SLC25A25: variants seen among roughly 807,000 people sequenced by gnomAD.
The protein encoded by SLC25A25 is solute carrier family 25 member 25, also known as mitochondrial adenyl nucleotide antiporter SLC25A25.
Under a neutral mutation model 57.7 loss-of-function variants are expected in SLC25A25, and 32 were observed. The observed-to-expected ratio is 0.55, with a 90% CI of 0.42 to 0.74. The LOEUF (loss-of-function observed/expected upper bound fraction) is 0.74. Ranked by LOEUF, SLC25A25 falls within the 30% of genes least tolerant of loss-of-function variation. SLC25A25 has a pLI of 0.00. For missense variants in SLC25A25, 556 were observed against 701.3 expected (o/e 0.79, Z 2.34); for synonymous variants, 306 against 291.2 (o/e 1.05, Z -0.52).
At chr9:128,100,698 G>C (rs972449315) in intron 1 of SLC25A25, among the ~76,000 whole-genome samples, 1 of 152,238 alleles carries the variant, frequency 6.6e-6, no homozygotes, top group Non-Finnish European at 1.5e-5. Context: ...TGTGGTTGAA[G>C]CCTGGGTCCA....
intron 7 of SLC25A25, 26 bp from the exon 8 acceptor site, chr9:128,106,124 G>A (rs778707505): frequency 1.2e-6 from 2 of 1,613,820 alleles, no homozygotes; most frequent in African/African-American, 2.7e-5. Context: ...GGGTATATCA[G>A]GTGGTTTGTT....
chr9:128,082,818 A>G (rs181919120), intron 1 of SLC25A25, among the ~76,000 whole-genome samples: 7 of 152,082 alleles, frequency 4.6e-5, no homozygotes, highest in Admixed American at 6.5e-5. Flanking sequence ...TTTTTAGTAG[A>G]GATGGGGTTT....
At position 128,106,251 on chromosome 9, in the gene SLC25A25, A is replaced by C. The variant is rs1223480693; in HGVS notation, c.1038A>C (p.Pro346=). Residue 346 remains proline, a synonymous_variant, in exon 8 of 11, where the codon CCA becomes CCC. Coordinates refer to ENST00000373069, the MANE Select transcript of SLC25A25 (RefSeq NM_001330988.2). ...CCATCGCCCAGAGCAGCATCTACCC[A>C]ATGGAGGTGAGGGGCCGCCTGGGTC... ...AGAIAQSSIY[P]MEVLKTRMAL... 1 of 1,614,034 alleles carries C rather than the reference A, an allele frequency of 6.2e-7. No individual in the cohort carries two copies. The highest frequency in any genetic ancestry group is 8.5e-7 in the Non-Finnish European group (1 of 1,179,992).
chr9:128,080,575 G>A (rs988531836), intron 1 of SLC25A25, among the ~76,000 whole-genome samples: 8 of 150,142 alleles, frequency 5.3e-5, no homozygotes, highest in Non-Finnish European at 7.4e-5. Context: ...ATGCGCCACC[G>A]TGCCCGGCTA....
Position 128,099,419 on chromosome 9 carries a change from A to G in SLC25A25, c.262-1677A>G. On this transcript the variant is annotated intron_variant, in intron 1 of 10. Transcript: ENST00000373069. This position sits in a 1 kb window ranked among gnomAD's most constrained non-coding sequence, Gnocchi z 6.8. ...ACCCTCTGCTCTGGGTGTCTGCGAC[A>G]GCACCCACCCCAGGGAGGCATGTGG... The G allele has an allele frequency of 7.0e-6, 8 of 1,150,100 alleles. No homozygotes were observed. Among genetic ancestry groups the G allele is most frequent in the Non-Finnish European group, 8.7e-6 (8 of 920,608 alleles). The allele number at this position is 1,150,100 out of a possible 1,614,324, so 71.2% of individuals were successfully genotyped here. A position where few individuals can be genotyped will look rare whatever the true frequency, so the allele number is the denominator to read the frequency against.
At position 128,102,132 on chromosome 9, in the gene SLC25A25, C is replaced by T. The variant is rs1425329146; in HGVS notation, c.512+17C>T. ...TGTCACCTAGTAAGTATCCATGTCGCTCATGACTGCCTCCCTTGACTTCCA... is the reference window on the plus strand; with the variant it reads ...TGTCACCTAGTAAGTATCCATGTCGTTCATGACTGCCTCCCTTGACTTCCA... On this transcript the variant is annotated intron_variant, in intron 4 of 10. Coordinates refer to ENST00000373069, the MANE Select transcript of SLC25A25 (RefSeq NM_001330988.2). The surrounding 1 kb of genome is among the most constrained non-coding windows in gnomAD (Gnocchi z 4.1). The T allele has an allele frequency of 3.2e-6, 5 of 1,550,470 alleles. No homozygotes were observed. The highest frequency in any genetic ancestry group is 1.2e-5 in the South Asian group (1 of 84,066).
intron 1 of SLC25A25, chr9:128,091,569 A>AAAAT: frequency 3.8e-6 from 4 of 1,039,406 alleles, no homozygotes; most frequent in Non-Finnish European, 2.3e-6. Flanking sequence ...TTTAAAAAAA[A>AAAAT]GCCAAACGTT....
At position 128,108,431 on chromosome 9, in the gene SLC25A25, C is replaced by T. The variant is rs749315548; in HGVS notation, c.*987C>T. ...GCTGACTGCTCAGAGTCTGTTCTGACGCCCTGGGGGTTCCTGTCCAACCCC... is the reference window on the plus strand; with the variant it reads ...GCTGACTGCTCAGAGTCTGTTCTGATGCCCTGGGGGTTCCTGTCCAACCCC... On this transcript the variant is annotated 3_prime_UTR_variant, in exon 11 of 11. Transcript: ENST00000373069. 2.8e-5 allele frequency: 11 copies of T among 395,964 alleles called. No homozygotes were observed. The highest frequency in any genetic ancestry group is 4.1e-5 in the African/African-American group (2 of 48,580). The allele number at this position is 395,964 out of a possible 1,614,324, so 24.5% of individuals were successfully genotyped here.
At chr9:128,080,180 G>A (rs1408781886) in intron 1 of SLC25A25, among the ~76,000 whole-genome samples, 9 of 150,266 alleles carry the variant, frequency 6.0e-5, no homozygotes, top group African/African-American at 1.2e-4. Flanking sequence ...GCAGTGAGCC[G>A]AGATCACGCC....
intron 9 of SLC25A25, 52 bp downstream of exon 9, chr9:128,106,572 C>G: frequency 6.6e-7 from 1 of 1,523,362 alleles, no homozygotes; most frequent in Non-Finnish European, 8.8e-7. Context: ...ACACCTCCAC[C>G]TGCTGTCTCC....
At position 128,102,383 on chromosome 9, in the gene SLC25A25, G is replaced by A. The variant is rs772583995; in HGVS notation, c.526G>A (p.Gly176Ser). 1.2e-6 allele frequency: 2 copies of A among 1,613,890 alleles called. No individual in the cohort carries two copies. The highest frequency in any genetic ancestry group is 1.7e-6 in the Non-Finnish European group (2 of 1,179,884). Residue 176 changes from glycine to serine, a missense_variant, in exon 5 of 11, where the codon GGC (glycine) becomes AGC (serine). Transcript: ENST00000373069. This position sits in a 1 kb window ranked among gnomAD's most constrained non-coding sequence, Gnocchi z 4.1. ...TCTGTCTTGCAGCATGGATAAAAAC[G>A]GCACGATGACCATTGACTGGAACGA... ...WGPVTYMDKNGTMTIDWNEWR... is the reference protein window; with the variant it reads ...WGPVTYMDKNSTMTIDWNEWR...
At chr9:128,076,438 T>TTTTTTATTTTTA (rs373449898) in intron 1 of SLC25A25, among the ~76,000 whole-genome samples, 28 of 136,192 alleles carry the variant, frequency 2.1e-4, no homozygotes, top group African/African-American at 7.0e-4. Flanking sequence ...GCCTAACTTT[T>TTTTTTATTTTTA]TTTTTATTTT....
chr9:128,073,214 AAC>A (rs1308634271), intron 1 of SLC25A25, among the ~76,000 whole-genome samples: 8 of 152,188 alleles, frequency 5.3e-5, no homozygotes, highest in African/African-American at 1.9e-4. Context: ...TCTCCTCCTT[AAC>A]ACAGTTTTTT....
Position 128,106,361 on chromosome 9 carries a change from G to A in SLC25A25, c.1053G>A (p.Lys351=). 1 of 1,613,794 alleles carries A rather than the reference G, an allele frequency of 6.2e-7. No individual in the cohort carries two copies. The highest frequency in any genetic ancestry group is 1.1e-5 in the South Asian group (1 of 91,084). ...CTGCTCCTGTTGTGCAGGTCCTGAA[G>A]ACCCGGATGGCGCTGCGGAAGACAG... The part of the protein sequence containing the change: ...QSSIYPMEVL[K]TRMALRKTGQ... The change falls in exon 9 of 11, where the codon AAG becomes AAA. Residue 351 remains lysine, a synonymous_variant. Transcript: ENST00000373069.
intron 6 of SLC25A25, among the ~76,000 whole-genome samples, 200 bp downstream of exon 6, chr9:128,104,039 A>G (rs1015011483): frequency 6.6e-6 from 1 of 152,128 alleles, no homozygotes; most frequent in African/African-American, 2.4e-5. Flanking sequence ...AGCGGATCTA[A>G]TTTTATCTGA....
At position 128,102,307 on chromosome 9, in the gene SLC25A25, TG is replaced by T; in HGVS notation, c.513-57del. 6.7e-7 allele frequency: 1 copy of T among 1,495,420 alleles called. No homozygotes were observed. The highest frequency in any genetic ancestry group is 9.3e-7 in the Non-Finnish European group (1 of 1,079,224). 92.6% of individuals were successfully genotyped at this position (1,495,420 alleles called of 1,614,324 possible). A position where few individuals can be genotyped will look rare whatever the true frequency, so the allele number is the denominator to read the frequency against. On this transcript the variant is annotated intron_variant, in intron 4 of 10. Transcript: ENST00000373069. The surrounding 1 kb of genome is among the most constrained non-coding windows in gnomAD (Gnocchi z 4.1). ...TGCCTGCCCTTGGCTCACTGGGAGG[TG>T]GGGGGATGCAGCTGGCGGATGGGCA... is the stretch of plus-strand genomic sequence containing the variant.
chr9:128,085,008 A>G (rs533301449), intron 1 of SLC25A25, among the ~76,000 whole-genome samples: 1 of 152,296 alleles, frequency 6.6e-6, no homozygotes, highest in South Asian at 2.1e-4. Context: ...CTACAAGGAA[A>G]TCAAAGACGC....
In SLC25A25 at chr9:128,068,622, C is replaced by T. The variant is rs543228220; in HGVS notation, c.261+42C>T. The T allele has an allele frequency of 5.8e-6, 8 of 1,391,216 alleles. No homozygotes were observed. The African/African-American group carries it at 7.5e-5, about 13-fold the overall frequency. The allele number at this position is 1,391,216 out of a possible 1,614,324, so 86.2% of individuals were successfully genotyped here. A position where few individuals can be genotyped will look rare whatever the true frequency, so the allele number is the denominator to read the frequency against. On this transcript the variant is annotated intron_variant, in intron 1 of 10. Coordinates refer to ENST00000373069, the MANE Select transcript of SLC25A25 (RefSeq NM_001330988.2). The stretch of plus-strand genomic sequence containing the variant: ...CTCAGCACTGGCGGGGAGGGAGCCC[C>T]TCGAGGGCCGGGTGACAGGTCTCGG...
At position 128,102,733 on chromosome 9, in the gene SLC25A25, A is replaced by G. The variant is rs1434126574; in HGVS notation, c.624+252A>G. 6.6e-6 allele frequency among the ~76,000 whole-genome samples: 1 copy of G among 152,070 alleles called. No individual in the cohort carries two copies. Among genetic ancestry groups the G allele is most frequent in the African/African-American group, 2.4e-5 (1 of 41,400 alleles). ...TTCCAGGAACACCCTCCGTCCCCAC[A>G]TGCTCCCTGCTCCCTGCTCCTCATG... On this transcript the variant is annotated intron_variant, in intron 5 of 10. Transcript: ENST00000373069. The surrounding 1 kb of genome is among the most constrained non-coding windows in gnomAD (Gnocchi z 4.1).
Sources: gnomAD v4.1 joint callset for allele counts (sites outside exome capture counted in the v4.1 genomes callset) on GRCh38, gnomAD v4.1.1 for gene constraint, Gnocchi (gnomAD v3.1) non-coding constraint, MANE v1.5 for transcripts, NCBI Gene and HGNC (gene_info 2026-07-23, HGNC 2026-07-21) for gene names.